CYP4A11: variants seen among roughly 807,000 people sequenced by gnomAD.
The protein encoded by CYP4A11 is cytochrome P450 family 4 subfamily A member 11.
In CYP4A11, 52 loss-of-function variants were observed where a neutral mutation model predicts 57.7. The ratio of observed to expected loss-of-function variants is 0.90; its 90% CI spans 0.72 to 1.14. The LOEUF is 1.14. Ranked by LOEUF, CYP4A11 falls within the 50% of genes most tolerant of loss-of-function variation. The probability of loss-of-function intolerance (pLI) is 0.00; values close to 1 mark genes in which losing one functional copy is unlikely to be tolerated. For missense variants in CYP4A11, 641 were observed against 642.1 expected (o/e 1.00, Z 0.02); for synonymous variants, 228 against 247.1 (o/e 0.92, Z 0.72).
At chr1:46,933,366 G>A (rs990296140) in intron 9 of CYP4A11, among the ~76,000 whole-genome samples, 2 of 152,188 alleles carry the variant, frequency 1.3e-5, no homozygotes, top group Non-Finnish European at 2.9e-5. Context: ...AACTCACTCA[G>A]TACAACAACG....
intron 11 of CYP4A11, chr1:46,932,105 A>G: frequency 1.0e-6 from 1 of 980,842 alleles, no homozygotes; most frequent in Non-Finnish European, 1.2e-6. Flanking sequence ...AATTTGTCAA[A>G]CGGGAAAATA....
In CYP4A11 at chr1:46,937,305, T is replaced by A; in HGVS notation, c.379A>T (p.Ile127Phe). Residue 127 changes from isoleucine (I) to phenylalanine (F), a missense_variant, in exon 3 of 12, where the codon ATT becomes TTT. Transcript: ENST00000310638. ...HGSYRFLAPW[I>F]GYGLLLLNGQ... ...CAGTCCTAGTTTGCACACATACCAA[T>A]CCATGGAGCCAGGAATCTGTAGGAA... 1 of 1,614,058 alleles carries A rather than the reference T, an allele frequency of 6.2e-7. No homozygotes were observed. Among genetic ancestry groups the A allele is most frequent in the South Asian group, 1.1e-5 (1 of 91,064 alleles).
chr1:46,934,132 C>T (rs1177980480), intron 8 of CYP4A11, 44 bp downstream of exon 8: 12 of 1,608,806 alleles, frequency 7.5e-6, no homozygotes, highest in Admixed American at 1.7e-5. Flanking sequence ...CCAGGGGCCC[C>T]TGTGGAGAAG....
In CYP4A11 at chr1:46,937,343, G is replaced by A. The variant is rs781570724; in HGVS notation, c.341C>T (p.Pro114Leu). 1.8e-5 allele frequency: 29 copies of A among 1,613,854 alleles called. No individual in the cohort carries two copies. In the Admixed American group the frequency reaches 3.2e-4, roughly 18 times the overall value. Reference protein sequence around the residue: ...YMKVILGRSDPKSHGSYRFLA... With the variant: ...YMKVILGRSDLKSHGSYRFLA... ...GAATCTGTAGGAACCATGGGATTTC[G>A]GGTCTGAAAGGCAAGAAAGGGCTTT... The change falls in exon 3 of 12, where the codon CCG becomes CTG. Residue 114 changes from proline (P) to leucine (L), a missense_variant. Coordinates refer to ENST00000310638, the MANE Select transcript of CYP4A11 (RefSeq NM_000778.4).
Position 46,932,981 on chromosome 1 carries a change from A to G in CYP4A11, c.1287+2T>C. 6.2e-7 allele frequency: 1 copy of G among 1,614,162 alleles called. No individual in the cohort carries two copies. Among genetic ancestry groups the G allele is most frequent in the Middle Eastern group, 1.6e-4 (1 of 6,062 alleles). On this transcript the variant is annotated splice_donor_variant, in intron 10 of 11. Transcript: ENST00000310638. LOFTEE classifies it high-confidence loss of function. ...CATTTCCTCCTCTCAAGGACCACAT[A>G]CCTCTGGGTTGGGCCACACTTTTGG...
At chr1:46,938,605 G>T (rs1189848972) in intron 1 of CYP4A11, among the ~76,000 whole-genome samples, 1 of 152,076 alleles carries the variant, frequency 6.6e-6, no homozygotes. Context: ...ATAGCATTTG[G>T]GATGTGTATT....
rs140272422 is a variant in CYP4A11 at position 46,935,041 on chromosome 1, C to T, written c.749G>A (p.Arg250His). The change falls in exon 6 of 12, where the codon CGC becomes CAC. Residue 250 changes from arginine to histidine, a missense_variant. Transcript: ENST00000310638. ...DTIYSLTSAG[R>H]WTHRACQLAH... ...CAGCTGGCAGGCGCGGTGTGTCCAG[C>T]GGCCAGCAGAGGTCAGGCTGTAGAT... is the stretch of plus-strand genomic sequence containing the variant. 5.8e-4 allele frequency: 941 copies of T among 1,614,102 alleles called. 7 individuals are homozygous for T. The African/African-American group carries it at 0.011, about 19-fold the overall frequency.
At chr1:46,937,403 A>G in intron 2 of CYP4A11, 57 bp from the exon 3 acceptor site, 2 of 1,565,090 alleles carry the variant, frequency 1.3e-6, no homozygotes, top group South Asian at 1.1e-5. Context: ...AGGCAGTCTT[A>G]GAGGCTGCAT....
chr1:46,938,929 C>T (rs1018433064), intron 1 of CYP4A11, among the ~76,000 whole-genome samples: 5 of 152,176 alleles, frequency 3.3e-5, no homozygotes, highest in Non-Finnish European at 5.9e-5. Flanking sequence ...GCTCCAATGC[C>T]GATGCCACCA....
In CYP4A11 at chr1:46,930,080, G is replaced by C. The variant is rs750003772; in HGVS notation, c.*35C>G. 6.3e-7 allele frequency: 1 copy of C among 1,582,486 alleles called. No individual in the cohort carries two copies. The highest frequency in any genetic ancestry group is 8.6e-7 in the Non-Finnish European group (1 of 1,162,110). On this transcript the variant is annotated 3_prime_UTR_variant, in exon 12 of 12. Coordinates refer to ENST00000310638, the MANE Select transcript of CYP4A11 (RefSeq NM_000778.4). ...GGGCAGACAGGAAGGGGACAGAAGC[G>C]GGGGTCAGGAAGACAGGACGGCAGG...
rs762963432 is a variant in CYP4A11, at chr1:46,941,317, C to A, written c.117G>T (p.Leu39=). Reference sequence around the variant, plus strand: ...GGGCTTTGAGCAGCCACTGCCTGTGCAGGTAGAGCTGAACTGCCTTGATCA... The same window carrying A: ...GGGCTTTGAGCAGCCACTGCCTGTGAAGGTAGAGCTGAACTGCCTTGATCA... ...LLLIKAVQLY[L]HRQWLLKALQ... The change falls in exon 1 of 12, where the codon CTG becomes CTT. Residue 39 remains leucine, a synonymous_variant. Coordinates refer to ENST00000310638, the MANE Select transcript of CYP4A11 (RefSeq NM_000778.4). 1 of 1,614,164 alleles carries A rather than the reference C, an allele frequency of 6.2e-7. No homozygotes were observed. The highest frequency in any genetic ancestry group is 1.1e-5 in the South Asian group (1 of 91,082).
At position 46,936,691 on chromosome 1, in the gene CYP4A11, G is replaced by T; in HGVS notation, c.483C>A (p.Leu161=). ...GCATCACTCGTACAGAGTCTGCCAT[G>T]AGCCCCACATAGGGCTTCAGGATGT... ...HYDILKPYVG[L]MADSVRVMLD... Residue 161 remains leucine, a synonymous_variant, in exon 4 of 12, where the codon CTC becomes CTA. Coordinates refer to ENST00000310638, the MANE Select transcript of CYP4A11 (RefSeq NM_000778.4). 6.2e-7 allele frequency: 1 copy of T among 1,612,350 alleles called. No individual in the cohort carries two copies.
At chr1:46,936,359 A>C (rs969423075) in intron 4 of CYP4A11, among the ~76,000 whole-genome samples, 5 of 152,236 alleles carry the variant, frequency 3.3e-5, no homozygotes, top group African/African-American at 1.2e-4. Context: ...CCTACTGTCC[A>C]GCAAGATTGC....
In CYP4A11 at chr1:46,938,112, C is replaced by T. The variant is rs141891892; in HGVS notation, c.221G>A (p.Arg74Gln). ...GAATGTCTCCACCCATTTCTGAATC[C>T]GTTGTAGCTCCTGGTCCTGTTGGAG... is the stretch of plus-strand genomic sequence containing the variant. ...QELQQDQELQ[R>Q]IQKWVETFPS... Residue 74 changes from arginine to glutamine, a missense_variant, in exon 2 of 12, where the codon CGG becomes CAG. Transcript: ENST00000310638. 91 of 1,614,098 alleles carry T rather than the reference C, an allele frequency of 5.6e-5. No homozygotes were observed. The highest frequency in any genetic ancestry group is 6.4e-5 in the Non-Finnish European group (76 of 1,180,056).
chr1:46,931,265 C>T, intron 11 of CYP4A11, among the ~76,000 whole-genome samples: 1 of 152,164 alleles, frequency 6.6e-6, no homozygotes, highest in East Asian at 1.9e-4. Flanking sequence ...AGCTGGGCCT[C>T]TCCCTCCCAG....
In CYP4A11 at chr1:46,935,650, G is replaced by C; in HGVS notation, c.511-3C>G. The C allele has an allele frequency of 1.2e-6, 2 of 1,612,000 alleles. No homozygotes were observed. The highest frequency in any genetic ancestry group is 1.7e-4 in the Middle Eastern group (1 of 6,042). On this transcript the variant is annotated splice_polypyrimidine_tract_variant and splice_region_variant and intron_variant, in intron 4 of 11. Coordinates refer to ENST00000310638, the MANE Select transcript of CYP4A11 (RefSeq NM_000778.4). The stretch of plus-strand genomic sequence containing the variant: ...CCAAGGAGCTCTTCCCATTTGTCCT[G>C]TGGTGGGAGGGGGCATGGACCTTCT...
In CYP4A11 at chr1:46,936,709, C is replaced by T. The variant is rs753186067; in HGVS notation, c.465G>A (p.Leu155=). 6.2e-7 allele frequency: 1 copy of T among 1,613,762 alleles called. No individual in the cohort carries two copies. Among genetic ancestry groups the T allele is most frequent in the Non-Finnish European group, 8.5e-7 (1 of 1,179,878 alleles). The change falls in exon 4 of 12, where the codon CTG becomes CTA. Residue 155 remains leucine, a synonymous_variant. Transcript: ENST00000310638. ...CTGCCATGAGCCCCACATAGGGCTT[C>T]AGGATGTCATAGTGGAAGGCTGGGG... ...MLTPAFHYDI[L]KPYVGLMADS...
chr1:46,932,146 G>A (rs1681065582), intron 11 of CYP4A11: 2 of 984,648 alleles, frequency 2.0e-6, no homozygotes, highest in African/African-American at 1.8e-5. Context: ...ATATAATGCA[G>A]TAAAAATTTC....
At chr1:46,938,196 G>A (rs1681537518) in intron 1 of CYP4A11, 59 bp from the exon 2 acceptor site, 1 of 1,604,948 alleles carries the variant, frequency 6.2e-7, no homozygotes, top group Non-Finnish European at 8.5e-7. Flanking sequence ...TGCAGCAGGA[G>A]TGAAGGGCAG....
Sources: gnomAD v4.1 joint callset for allele counts (sites outside exome capture counted in the v4.1 genomes callset) on GRCh38, gnomAD v4.1.1 for gene constraint, MANE v1.5 for transcripts, NCBI Gene and HGNC (gene_info 2026-07-23, HGNC 2026-07-21) for gene names.